Variants in ERBB4 observed in about 807,000 individuals in gnomAD.
ERBB4 encodes erb-b2 receptor tyrosine kinase 4.
ERBB4 carries 42 observed loss-of-function variants against 158.0 expected under a neutral mutation model. The observed-to-expected ratio is 0.27, with a 90% CI of 0.21 to 0.34. The LOEUF is 0.34. ERBB4 is among the 10% of genes least tolerant of loss of function. ERBB4 has a pLI of 1.00. For missense variants in ERBB4, 1,333 were observed against 1,624.1 expected (o/e 0.82, Z 3.08); for synonymous variants, 583 against 558.7 (o/e 1.04, Z -0.61).
rs190116891 is a variant in ERBB4, at chr2:211,389,121, C to T, written c.3136-1129G>A. On this transcript the variant is annotated intron_variant, in intron 25 of 27. Transcript: ENST00000342788. ...TGCAATCTCGGCTCACTGCAAGCTC[C>T]GCCTCCCGGGTTCACGCCATTCCCT... Among the ~76,000 whole-genome samples, 15 of 152,230 alleles carry T rather than the reference C, an allele frequency of 9.9e-5. 1 individual carries two copies. The South Asian group carries it at 2.3e-3, about 23-fold the overall frequency.
chr2:211,827,707 C>T (rs1156633285), intron 3 of ERBB4, among the ~76,000 whole-genome samples: 1 of 151,686 alleles, frequency 6.6e-6, no homozygotes, highest in African/African-American at 2.4e-5. Context: ...TCTATATTTG[C>T]TGAAGAATAA....
At chr2:211,719,810 A>G (rs142791390) in intron 7 of ERBB4, among the ~76,000 whole-genome samples, 8,991 of 151,412 alleles carry the variant, frequency 0.059, 407 homozygotes, top group Non-Finnish European at 0.091. Flanking sequence ...AGCCGAGATC[A>G]TACTACTGCA....
intron 3 of ERBB4, among the ~76,000 whole-genome samples, chr2:211,813,207 T>C (rs74437094): frequency 0.04 from 6,061 of 152,218 alleles, 170 homozygotes; most frequent in African/African-American, 0.074. Flanking sequence ...ATTTTAACTA[T>C]GTGAATGTAA....
At chr2:212,471,688 T>C (rs1379221385) in intron 1 of ERBB4, among the ~76,000 whole-genome samples, 1 of 151,960 alleles carries the variant, frequency 6.6e-6, no homozygotes, top group Admixed American at 6.6e-5. Context: ...TTTGCACTTA[T>C]TGCTGTTGTT....
rs543098059 is a variant in ERBB4, at chr2:212,008,732, T to C, written c.235-61116A>G. Among the ~76,000 whole-genome samples, 4 of 152,264 alleles carry C rather than the reference T, an allele frequency of 2.6e-5. No homozygotes were observed. The South Asian group carries it at 6.2e-4, about 24-fold the overall frequency. On this transcript the variant is annotated intron_variant, in intron 2 of 27. Coordinates refer to ENST00000342788, the MANE Select transcript of ERBB4 (RefSeq NM_005235.3). ...TAGTCTTATCTACAAAATTAGAATG[T>C]TCACAGGGGTAAACACTGCTTTGAA...
rs184462504 is a variant in ERBB4 at position 211,611,025 on chromosome 2, T to A, written c.2301+8152A>T. ...GTCTTAGTATCCCCTAAGGCAGTATTTAAAGCTCAAATTTTAGGATCACTA... is the reference window on the plus strand; with the variant it reads ...GTCTTAGTATCCCCTAAGGCAGTATATAAAGCTCAAATTTTAGGATCACTA... On this transcript the variant is annotated intron_variant, in intron 19 of 27. Transcript: ENST00000342788. Among the ~76,000 whole-genome samples, 102 of 152,176 alleles carry A rather than the reference T, an allele frequency of 6.7e-4. 1 individual carries two copies. The East Asian group carries it at 0.014, about 21-fold the overall frequency.
intron 4 of ERBB4, among the ~76,000 whole-genome samples, chr2:211,775,923 C>T (rs967626551): frequency 5.3e-5 from 8 of 152,192 alleles, no homozygotes; most frequent in African/African-American, 1.9e-4. Flanking sequence ...TTAGGGTTTG[C>T]TGAAGATGGT....
intron 2 of ERBB4, among the ~76,000 whole-genome samples, chr2:212,021,087 T>C (rs115634342): frequency 0.019 from 2,835 of 152,312 alleles, 45 homozygotes; most frequent in Middle Eastern, 0.034. Context: ...CACTTTCTTA[T>C]ATGTTTTAGT....
intron 1 of ERBB4, among the ~76,000 whole-genome samples, chr2:212,149,030 G>T (rs1285679576): frequency 9.0e-6 from 1 of 111,638 alleles, no homozygotes; most frequent in East Asian, 3.3e-4. Context: ...TGGGGGGAGG[G>T]GGGAGGGATA....
intron 1 of ERBB4, among the ~76,000 whole-genome samples, chr2:212,193,186 G>T (rs944033027): frequency 9.2e-5 from 14 of 152,122 alleles, no homozygotes; most frequent in South Asian, 2.1e-4. Flanking sequence ...TATAACTCCA[G>T]GGTGCTTTTA....
chr2:212,538,741 C>G lies in ERBB4; in HGVS notation c.-211G>C, dbSNP rs1241139076. The G allele has an allele frequency of 2.5e-6, 1 of 398,708 alleles. No individual in the cohort carries two copies. Among genetic ancestry groups the G allele is most frequent in the Non-Finnish European group, 4.3e-6 (1 of 230,478 alleles). 24.7% of individuals were successfully genotyped at this position (398,708 alleles called of 1,614,324 possible). On this transcript the variant is annotated 5_prime_UTR_variant, in exon 1 of 28. Transcript: ENST00000342788. ...GGCCCGAGGAGGGGGCGAGTGTGAG[C>G]GCGTGTGTGCGCGTGTGGGAGTGTG... is the stretch of plus-strand genomic sequence containing the variant.
chr2:212,181,140 A>T (rs1034193948), intron 1 of ERBB4, among the ~76,000 whole-genome samples: 1 of 151,594 alleles, frequency 6.6e-6, no homozygotes, highest in African/African-American at 2.4e-5. Flanking sequence ...GAGCCTAGGG[A>T]GTCTTTCTCC....
In ERBB4 at chr2:211,383,391, A is replaced by C. The variant is rs573827180; in HGVS notation, c.*224T>G. ...TTTCATTCTCCTGACCAACCCATGC[A>C]GAGAAATGAAGAAACATTGTGGTTC... On this transcript the variant is annotated 3_prime_UTR_variant, in exon 28 of 28. Transcript: ENST00000342788. The C allele has an allele frequency of 1.2e-5, 7 of 561,568 alleles. No individual in the cohort carries two copies. The South Asian group carries it at 1.4e-4, about 12-fold the overall frequency. The allele number at this position is 561,568 out of a possible 1,614,324, so 34.8% of individuals were successfully genotyped here. A position where few individuals can be genotyped will look rare whatever the true frequency, so the allele number is the denominator to read the frequency against.
At chr2:212,490,796 T>A (rs532241738) in intron 1 of ERBB4, among the ~76,000 whole-genome samples, 2 of 151,886 alleles carry the variant, frequency 1.3e-5, no homozygotes, top group African/African-American at 4.8e-5. Flanking sequence ...CCTTGCATAG[T>A]TTATGTTAAG....
At chr2:211,628,930 G>A (rs2069978523) in intron 17 of ERBB4, among the ~76,000 whole-genome samples, 1 of 152,108 alleles carries the variant, frequency 6.6e-6, no homozygotes, top group Non-Finnish European at 1.5e-5. Flanking sequence ...GTGATGATGA[G>A]CATTTTTTCA....
At position 211,566,239 on chromosome 2, in the gene ERBB4, C is replaced by A. The variant is rs114403870; in HGVS notation, c.2302-4151G>T. ...AGAAGCATCCTTACATGGTATCAGT[C>A]AGCGGTAACAGGAGTGGGACCTCTC... On this transcript the variant is annotated intron_variant, in intron 19 of 27. Transcript: ENST00000342788. Among the ~76,000 whole-genome samples the A allele has an allele frequency of 3.3e-3, 509 of 152,216 alleles. 5 individuals carry two copies. The highest frequency in any genetic ancestry group is 0.012 in the African/African-American group (491 of 41,538).
At chr2:211,863,183 C>T (rs62184499) in intron 3 of ERBB4, among the ~76,000 whole-genome samples, 22,316 of 149,440 alleles carry the variant, frequency 0.15, 2,020 homozygotes, top group African/African-American at 0.27. Flanking sequence ...CCAATCAGCA[C>T]TCTGCAAAAA....
chr2:212,155,031 G>A (rs376092321), intron 1 of ERBB4, among the ~76,000 whole-genome samples: 1 of 152,136 alleles, frequency 6.6e-6, no homozygotes, highest in Non-Finnish European at 1.5e-5. Flanking sequence ...CGGATGAATG[G>A]TGCCGCAATT....
At chr2:212,423,185 T>A (rs944298912) in intron 1 of ERBB4, among the ~76,000 whole-genome samples, 4 of 151,350 alleles carry the variant, frequency 2.6e-5, no homozygotes, top group East Asian at 1.9e-4. Context: ...CAAAAAAAAA[T>A]GCAATTATAA....
Sources: allele counts gnomAD v4.1 joint callset (sites outside exome capture counted in the v4.1 genomes callset), GRCh38; gene constraint gnomAD v4.1.1; transcripts MANE v1.5; gene names NCBI Gene and HGNC (gene_info 2026-07-23, HGNC 2026-07-21).